ZNF521: variants seen among roughly 807,000 people sequenced by gnomAD.
ZNF521 encodes the protein zinc finger protein 521.
ZNF521 carries 14 observed loss-of-function variants against 105.5 expected under a neutral mutation model. That is an observed-to-expected ratio of 0.13 (90% confidence interval 0.09 to 0.21). The LOEUF is 0.21. Among genes scored for constraint, ZNF521 ranks in the 10% least tolerant of loss-of-function variants. The pLI, the probability that ZNF521 is intolerant of heterozygous loss-of-function variation, is 1.00. For synonymous variants in ZNF521, 635 were observed against 606.0 expected (o/e 1.05, Z -0.70); for missense variants, 1,233 against 1,629.7 (o/e 0.76, Z 4.19).
chr18:25,333,385 G>T (rs773167761), intron 2 of ZNF521, among the ~76,000 whole-genome samples: 4 of 150,808 alleles, frequency 2.7e-5, no homozygotes, highest in Admixed American at 6.6e-5. Flanking sequence ...ATTCTCAGAG[G>T]GTGGGCAGAA....
chr18:25,324,708 A>G (rs1481204612), intron 2 of ZNF521, among the ~76,000 whole-genome samples: 1 of 152,226 alleles, frequency 6.6e-6, no homozygotes, highest in Non-Finnish European at 1.5e-5. Context: ...TTGTTTTTAA[A>G]TAAGGAGACT....
chr18:25,322,696 A>G (rs1217675238), intron 2 of ZNF521, among the ~76,000 whole-genome samples: 1 of 152,222 alleles, frequency 6.6e-6, no homozygotes, highest in Non-Finnish European at 1.5e-5. Context: ...AAACTGGTCA[A>G]AACACACAGC....
rs57412730 is a variant in ZNF521, at chr18:25,331,318, T to TAA, written c.41-9133_41-9132dup. Among the ~76,000 whole-genome samples the TAA allele has an allele frequency of 3.4e-3, 503 of 148,442 alleles. 2 individuals are homozygous for TAA. The highest frequency in any genetic ancestry group is 7.6e-3 in the African/African-American group (308 of 40,584). The stretch of plus-strand genomic sequence containing the variant: ...GATAGTAAAGCAACTTTAAAACTGC[T>TAA]AAAAAAAAAAATCCACTCTGGAGGA... On this transcript the variant is annotated intron_variant, in intron 2 of 7. Transcript: ENST00000361524.
At chr18:25,104,926 C>A (rs536636775) in intron 5 of ZNF521, among the ~76,000 whole-genome samples, 2 of 152,194 alleles carry the variant, frequency 1.3e-5, no homozygotes, top group East Asian at 3.9e-4. Flanking sequence ...GAGAAAAATG[C>A]CCAGGCAAAA....
chr18:25,283,418 C>T (rs922430113), intron 3 of ZNF521, among the ~76,000 whole-genome samples: 7 of 152,292 alleles, frequency 4.6e-5, no homozygotes, highest in Non-Finnish European at 7.3e-5. Flanking sequence ...GTCCAACATA[C>T]GCTAATTAAA....
At chr18:25,272,657 C>A (rs928177710) in intron 3 of ZNF521, among the ~76,000 whole-genome samples, 1 of 151,904 alleles carries the variant, frequency 6.6e-6, no homozygotes, top group Non-Finnish European at 1.5e-5. Flanking sequence ...CAAACTACCA[C>A]AAGAACAGAA....
Position 25,083,443 on chromosome 18 carries a change from T to C in ZNF521, c.3906+6022A>G, listed in dbSNP as rs111328957. On this transcript the variant is annotated intron_variant, in intron 7 of 7. Transcript: ENST00000361524. ...GGATTTTGTTCACTTAGGTCAGCACTAGGAAAGCAGCAAGAAGGTCACAGA... is the reference window on the plus strand; with the variant it reads ...GGATTTTGTTCACTTAGGTCAGCACCAGGAAAGCAGCAAGAAGGTCACAGA... Among the ~76,000 whole-genome samples, 23 of 152,312 alleles carry C rather than the reference T, an allele frequency of 1.5e-4. 1 individual carries two copies. The highest frequency in any genetic ancestry group is 5.1e-4 in the African/African-American group (21 of 41,576).
At chr18:25,328,169 C>T (rs1304867346) in intron 2 of ZNF521, among the ~76,000 whole-genome samples, 1 of 152,136 alleles carries the variant, frequency 6.6e-6, no homozygotes, top group Non-Finnish European at 1.5e-5. Flanking sequence ...TCTTCTCAGA[C>T]AGAAAGAATG....
intron 3 of ZNF521, among the ~76,000 whole-genome samples, chr18:25,245,081 A>T (rs944021522): frequency 2.0e-5 from 3 of 152,228 alleles, no homozygotes; most frequent in African/African-American, 7.2e-5. Context: ...AAATGAATCA[A>T]CTTTGCTATA....
At chr18:25,069,949 T>A (rs2033175770) in intron 7 of ZNF521, among the ~76,000 whole-genome samples, 1 of 152,240 alleles carries the variant, frequency 6.6e-6, no homozygotes, top group South Asian at 2.1e-4. Context: ...TTTTTTCATA[T>A]GGTAATGTCA....
At chr18:25,286,772 G>A (rs1349531061) in intron 3 of ZNF521, among the ~76,000 whole-genome samples, 1 of 152,140 alleles carries the variant, frequency 6.6e-6, no homozygotes, top group South Asian at 2.1e-4. Context: ...TAAACGAAAA[G>A]GGGAGGAGGG....
At chr18:25,303,558 AG>A (rs1911783365) in intron 3 of ZNF521, among the ~76,000 whole-genome samples, 2 of 152,102 alleles carry the variant, frequency 1.3e-5, no homozygotes, top group African/African-American at 4.8e-5. Context: ...GGCCTCCCAA[AG>A]TGCTGGGATT....
chr18:25,251,042 A>G (rs181070249), intron 3 of ZNF521, among the ~76,000 whole-genome samples: 1 of 152,214 alleles, frequency 6.6e-6, no homozygotes, highest in Non-Finnish European at 1.5e-5. Flanking sequence ...TGGGTTTTCT[A>G]AAATAAAATG....
intron 3 of ZNF521, among the ~76,000 whole-genome samples, chr18:25,285,698 T>TCACACACA (rs66794523): frequency 3.9e-4 from 58 of 147,104 alleles, no homozygotes; most frequent in Middle Eastern, 3.4e-3. Context: ...TCTCTCTCTC[T>TCACACACA]CACACACACA....
intron 3 of ZNF521, among the ~76,000 whole-genome samples, chr18:25,310,738 C>G (rs1446002961): frequency 6.6e-6 from 1 of 152,050 alleles, no homozygotes; most frequent in Non-Finnish European, 1.5e-5. Context: ...CTGTTATTTT[C>G]TTGGTTTGAA....
chr18:25,311,010 G>A (rs1912275927), intron 3 of ZNF521, among the ~76,000 whole-genome samples: 1 of 152,148 alleles, frequency 6.6e-6, no homozygotes, highest in Non-Finnish European at 1.5e-5. Flanking sequence ...GATGGGGAAA[G>A]GGTTCAGAGT....
intron 2 of ZNF521, among the ~76,000 whole-genome samples, chr18:25,341,812 T>C (rs1316001847): frequency 6.6e-6 from 1 of 152,148 alleles, no homozygotes; most frequent in East Asian, 1.9e-4. Flanking sequence ...ATGGAAAGTA[T>C]GTAGACTCTC....
At chr18:25,163,575 G>A (rs2035286260) in intron 5 of ZNF521, among the ~76,000 whole-genome samples, 1 of 152,188 alleles carries the variant, frequency 6.6e-6, no homozygotes, top group Non-Finnish European at 1.5e-5. Context: ...TTCATGGGGG[G>A]CTTTGTTGTT....
In ZNF521 at chr18:25,210,060, TATATAA is replaced by T. The variant is rs2036151537; in HGVS notation, c.3573+14279_3573+14284del. Among the ~76,000 whole-genome samples the T allele has an allele frequency of 2.0e-5, 3 of 152,248 alleles. No individual in the cohort carries two copies. The East Asian group carries it at 5.8e-4, about 29-fold the overall frequency. ...CATTATAATAACAAATTGAAAAAAT[TATATAA>T]ATATATGTATACATAATACATACAT... On this transcript the variant is annotated intron_variant, in intron 4 of 7. Coordinates refer to ENST00000361524, the MANE Select transcript of ZNF521 (RefSeq NM_015461.3).
Sources: gnomAD v4.1 joint callset for allele counts (sites outside exome capture counted in the v4.1 genomes callset) on GRCh38, gnomAD v4.1.1 for gene constraint, MANE v1.5 for transcripts, NCBI Gene and HGNC (gene_info 2026-07-23, HGNC 2026-07-21) for gene names.